CDH4: variants seen among roughly 807,000 people sequenced by gnomAD.
The protein encoded by CDH4 is cadherin 4.
CDH4 carries 33 observed loss-of-function variants against 86.0 expected under a neutral mutation model. That is an observed-to-expected ratio of 0.38 (90% CI 0.29 to 0.51). The LOEUF (loss-of-function observed/expected upper bound fraction) is 0.51, where lower values mean the gene tolerates loss of function less well. Among genes scored for constraint, CDH4 ranks in the 20% least tolerant of loss-of-function variants. The pLI is 0.86. For synonymous variants in CDH4, 555 were observed against 549.4 expected (o/e 1.01, Z -0.14); for missense variants, 1,114 against 1,307.4 (o/e 0.85, Z 2.28).
intron 4 of CDH4, 27 bp downstream of exon 4, chr20:61,773,209 C>CG (rs1199528514): frequency 6.7e-7 from 1 of 1,502,348 alleles, no homozygotes; most frequent in African/African-American, 1.4e-5. Context: ...CCCGCGGGCA[C>CG]GGGGGTCTCG....
At chr20:61,383,077 A>ATG (rs2084913701) in intron 2 of CDH4, among the ~76,000 whole-genome samples, 1 of 117,514 alleles carries the variant, frequency 8.5e-6, no homozygotes, top group South Asian at 2.3e-4. Flanking sequence ...TATATATATA[A>ATG]TATATATATG....
At position 61,853,049 on chromosome 20, in the gene CDH4, C is replaced by T. The variant is rs1409065462; in HGVS notation, c.877+151C>T. 1.1e-4 allele frequency: 87 copies of T among 800,106 alleles called. No individual in the cohort carries two copies. In the East Asian group the frequency reaches 1.9e-3, roughly 17 times the overall value. The allele number at this position is 800,106 out of a possible 1,614,324, so 49.6% of individuals were successfully genotyped here. ...ACACACAGCATGCAGCAGACGTCCACCAAAGCCCCTGCTCTCACAGGCCTT... is the reference window on the plus strand; with the variant it reads ...ACACACAGCATGCAGCAGACGTCCATCAAAGCCCCTGCTCTCACAGGCCTT... On this transcript the variant is annotated intron_variant, in intron 6 of 15. Coordinates refer to ENST00000614565, the MANE Select transcript of CDH4 (RefSeq NM_001794.5).
chr20:61,923,753 C>T (rs756247219), intron 10 of CDH4, 49 bp downstream of exon 10: 6 of 1,592,386 alleles, frequency 3.8e-6, no homozygotes, highest in Non-Finnish European at 5.1e-6. Flanking sequence ...TCCCAGGTTC[C>T]ATACAGAAGG....
intron 2 of CDH4, among the ~76,000 whole-genome samples, chr20:61,695,316 T>C (rs2026163): frequency 0.19 from 29,361 of 152,234 alleles, 3,241 homozygotes; most frequent in Admixed American, 0.27. Flanking sequence ...ACCAGCTTCA[T>C]TTCATTCTTC....
At chr20:61,664,991 C>T (rs2087306765) in intron 2 of CDH4, among the ~76,000 whole-genome samples, 1 of 152,382 alleles carries the variant, frequency 6.6e-6, no homozygotes, top group Non-Finnish European at 1.5e-5. Context: ...GTTGAAATTA[C>T]TTCTACCAAC....
intron 2 of CDH4, among the ~76,000 whole-genome samples, chr20:61,329,484 C>G (rs888728533): frequency 7.1e-6 from 1 of 140,022 alleles, no homozygotes; most frequent in Non-Finnish European, 1.6e-5. Flanking sequence ...CTGTGAGTGG[C>G]TCTTCTGCCC....
chr20:61,742,701 A>G (rs2088357778), intron 2 of CDH4, among the ~76,000 whole-genome samples: 1 of 152,200 alleles, frequency 6.6e-6, no homozygotes, highest in African/African-American at 2.4e-5. Flanking sequence ...CAGTTGCAAA[A>G]GCACACGTCT....
intron 2 of CDH4, among the ~76,000 whole-genome samples, chr20:61,331,426 G>T (rs545005922): frequency 7.2e-4 from 109 of 152,062 alleles, no homozygotes; most frequent in African/African-American, 2.6e-3. Flanking sequence ...CCACTGGCTG[G>T]CCTGGCCATC....
At chr20:61,410,101 T>C (rs2085108966) in intron 2 of CDH4, among the ~76,000 whole-genome samples, 1 of 152,244 alleles carries the variant, frequency 6.6e-6, no homozygotes, top group Admixed American at 6.5e-5. Context: ...GAATTGGCTC[T>C]TACACTGAGA....
intron 2 of CDH4, among the ~76,000 whole-genome samples, chr20:61,401,049 A>G (rs1297760663): frequency 1.3e-5 from 2 of 152,208 alleles, no homozygotes; most frequent in East Asian, 3.9e-4. Context: ...CAGAGCTCCT[A>G]GCACGGTCCC....
chr20:61,392,255 G>C lies in CDH4; in HGVS notation c.169+137318G>C, dbSNP rs182097367. Among the ~76,000 whole-genome samples, 2 of 151,996 alleles carry C rather than the reference G, an allele frequency of 1.3e-5. No individual in the cohort carries two copies. Among genetic ancestry groups the C allele is most frequent in the East Asian group, 3.9e-4 (2 of 5,120 alleles). ...GACATGCTGCCTCTGGGCTGGGGAGGGACAGGAACCCGAGGCAGATCCTTC... is the reference window on the plus strand; with the variant it reads ...GACATGCTGCCTCTGGGCTGGGGAGCGACAGGAACCCGAGGCAGATCCTTC... On this transcript the variant is annotated intron_variant, in intron 2 of 15. Coordinates refer to ENST00000614565, the MANE Select transcript of CDH4 (RefSeq NM_001794.5). The surrounding 1 kb of genome is among the most constrained non-coding windows in gnomAD (Gnocchi z 5.7).
chr20:61,380,523 A>ACCCCCCCCCCCCCCCC (rs141105277), intron 2 of CDH4, among the ~76,000 whole-genome samples: 38 of 148,902 alleles, frequency 2.6e-4, no homozygotes, highest in Non-Finnish European at 3.4e-4. Flanking sequence ...CCATCCTACA[A>ACCCCCCCCCCCCCCCC]ACCCCCCTGC....
intron 2 of CDH4, among the ~76,000 whole-genome samples, chr20:61,486,458 G>A (rs1201437328): frequency 6.6e-6 from 1 of 152,256 alleles, no homozygotes; most frequent in East Asian, 1.9e-4. Context: ...GGCTGCAGGA[G>A]GACAAGACTG....
intron 4 of CDH4, among the ~76,000 whole-genome samples, chr20:61,797,017 G>C (rs1979563952): frequency 6.6e-6 from 1 of 152,034 alleles, no homozygotes; most frequent in East Asian, 1.9e-4. Flanking sequence ...GGCAGTGCCA[G>C]CCACTTTCCT....
chr20:61,644,715 G>A (rs2087044275), intron 2 of CDH4, among the ~76,000 whole-genome samples: 1 of 152,192 alleles, frequency 6.6e-6, no homozygotes, highest in Non-Finnish European at 1.5e-5. Context: ...TCTATGTGGT[G>A]GGGCTCTGCC....
intron 2 of CDH4, among the ~76,000 whole-genome samples, chr20:61,313,064 G>A (rs897682874): frequency 6.6e-6 from 1 of 152,216 alleles, no homozygotes; most frequent in African/African-American, 2.4e-5. Flanking sequence ...TCCAAAGACC[G>A]ATTCTAATAC....
chr20:61,914,179 C>T (rs1235357970), intron 9 of CDH4, among the ~76,000 whole-genome samples: 1 of 152,208 alleles, frequency 6.6e-6, no homozygotes, highest in Non-Finnish European at 1.5e-5. Context: ...GGACCCCAAA[C>T]CCACTATGCC....
intron 2 of CDH4, among the ~76,000 whole-genome samples, chr20:61,433,241 A>AT (rs1382565528): frequency 6.6e-6 from 1 of 152,062 alleles, no homozygotes; most frequent in African/African-American, 2.4e-5. Flanking sequence ...TTGGTGCACC[A>AT]TTTGTTCAAA....
At chr20:61,588,313 C>G (rs6121710) in intron 2 of CDH4, among the ~76,000 whole-genome samples, 4,033 of 152,266 alleles carry the variant, frequency 0.026, 68 homozygotes, top group Middle Eastern at 0.075. Context: ...GCGTAGGTCT[C>G]GCAGCCTCCA....
Sources: allele counts gnomAD v4.1 joint callset (sites outside exome capture counted in the v4.1 genomes callset), GRCh38; gene constraint gnomAD v4.1.1; non-coding constraint Gnocchi (gnomAD v3.1); transcripts MANE v1.5; gene names NCBI Gene and HGNC (gene_info 2026-07-23, HGNC 2026-07-21).